The following DENND2B variants were observed in gnomAD, a reference collection of about 807,000 sequenced individuals.
The protein encoded by DENND2B is DENN domain-containing protein 2B.
Under a neutral mutation model 116.0 loss-of-function variants are expected in DENND2B, and 32 were observed. The ratio of observed to expected loss-of-function variants is 0.28; its 90% confidence interval spans 0.21 to 0.37. The LOEUF is 0.37. Among genes scored for constraint, DENND2B ranks in the 10% least tolerant of loss-of-function variants. The probability of loss-of-function intolerance (pLI) is 1.00; values close to 1 mark genes in which losing one functional copy is unlikely to be tolerated. For synonymous variants in DENND2B, 588 were observed against 583.9 expected, an observed-to-expected ratio of 1.01 and a Z score of -0.10; for missense variants, 1,276 against 1,477.7, an observed-to-expected ratio of 0.86 and a Z score of 2.24.
chr11:8,804,883 C>T (rs756651830), intron 1 of DENND2B, among the ~76,000 whole-genome samples: 3 of 152,148 alleles, frequency 2.0e-5, no homozygotes, highest in Non-Finnish European at 4.4e-5. Flanking sequence ...TTGTTCCCAG[C>T]GTAGTAACAT....
intron 1 of DENND2B, among the ~76,000 whole-genome samples, chr11:8,800,054 A>G (rs1443551160): frequency 6.6e-6 from 1 of 151,954 alleles, no homozygotes; most frequent in Non-Finnish European, 1.5e-5. Flanking sequence ...CCAGGGCTCA[A>G]GCAATCATTC....
At position 8,758,244 on chromosome 11, in the gene DENND2B, C is replaced by T. The variant is rs563661594; in HGVS notation, c.-25-7519G>A. Among the ~76,000 whole-genome samples the T allele has an allele frequency of 4.6e-5, 7 of 152,282 alleles. No individual in the cohort carries two copies. In the South Asian group the frequency reaches 1.5e-3, roughly 32 times the overall value. On this transcript the variant is annotated intron_variant, in intron 1 of 19. Transcript: ENST00000313726. ...TCCCAAGAATCTGCCTAGCTATGTGCAACTAAAAGATGGCACTCAGCCCCT... is the reference window on the plus strand; with the variant it reads ...TCCCAAGAATCTGCCTAGCTATGTGTAACTAAAAGATGGCACTCAGCCCCT...
intron 1 of DENND2B, among the ~76,000 whole-genome samples, chr11:8,783,271 C>G (rs1186582964): frequency 1.3e-5 from 2 of 152,122 alleles, no homozygotes; most frequent in African/African-American, 4.8e-5. Flanking sequence ...CCAGGCTGGT[C>G]TCAAACTCTT....
chr11:8,820,655 C>CT (rs2061727023), intron 4 of DENND2B, among the ~76,000 whole-genome samples: 1 of 152,158 alleles, frequency 6.6e-6, no homozygotes, highest in African/African-American at 2.4e-5. Context: ...CAAAACAACA[C>CT]TATCTTTACT....
At chr11:8,900,595 T>A (rs1442962549) in intron 1 of DENND2B, among the ~76,000 whole-genome samples, 3 of 148,292 alleles carry the variant, frequency 2.0e-5, no homozygotes, top group Non-Finnish European at 4.5e-5. Flanking sequence ...CAAGACCCTG[T>A]CTCAAAAAAA....
Position 8,730,299 on chromosome 11 carries a change from T to A in DENND2B, c.991A>T (p.Ser331Cys). Residue 331 changes from serine (S) to cysteine (C), a missense_variant, in exon 3 of 20, where the codon AGT becomes TGT. Ser to Cys is a moderately radical substitution (Grantham distance 112). Transcript: ENST00000313726. This position sits in a 1 kb window ranked among gnomAD's most constrained non-coding sequence, Gnocchi z 4.1. ...GSLEEPAGGA[S>C]VSAGSRAVGV... Reference sequence around the variant, plus strand: ...ACTGCCCGGCTGCCAGCGCTCACACTCGCGCCCCCTGCCGGCTCCTCCAAG... The same window carrying A: ...ACTGCCCGGCTGCCAGCGCTCACACACGCGCCCCCTGCCGGCTCCTCCAAG... The A allele has an allele frequency of 6.2e-7, 1 of 1,604,536 alleles. No homozygotes were observed. The highest frequency in any genetic ancestry group is 8.5e-7 in the Non-Finnish European group (1 of 1,177,806).
chr11:8,768,105 C>G (rs2056206787), intron 1 of DENND2B, among the ~76,000 whole-genome samples: 1 of 152,040 alleles, frequency 6.6e-6, no homozygotes, highest in Admixed American at 6.6e-5. Flanking sequence ...ACGAGAGCAA[C>G]CAGGCTGGGC....
chr11:8,712,598 G>C lies in DENND2B; in HGVS notation c.2125C>G (p.Pro709Ala), dbSNP rs367793688. Residue 709 changes from proline (P) to alanine (A), a missense_variant, in exon 9 of 20, where the codon CCA becomes GCA. Transcript: ENST00000313726. The surrounding 1 kb of genome is among the most constrained non-coding windows in gnomAD (Gnocchi z 4.4). Reference sequence around the variant, plus strand: ...TCGGGGAGGTAGGTGTTTCGCGATGGCTTCTTCTTGAGGGACACCACCACA... The same window carrying C: ...TCGGGGAGGTAGGTGTTTCGCGATGCCTTCTTCTTGAGGGACACCACCACA... ...YFVVVSLKKK[P>A]SRNTYLPEVS... 2 of 1,559,498 alleles carry C rather than the reference G, an allele frequency of 1.3e-6. No individual in the cohort carries two copies. Among genetic ancestry groups the C allele is most frequent in the African/African-American group, 2.7e-5 (2 of 73,662 alleles).
At chr11:8,709,525 G>A (rs375884917) in intron 11 of DENND2B, among the ~76,000 whole-genome samples, 6 of 152,308 alleles carry the variant, frequency 3.9e-5, no homozygotes, top group African/African-American at 1.4e-4. Flanking sequence ...CAGGCGGCCA[G>A]AGGCATGCTG....
intron 4 of DENND2B, chr11:8,718,370 G>A (rs922330714): frequency 2.0e-5 from 30 of 1,535,126 alleles, no homozygotes; most frequent in Admixed American, 3.9e-5. Context: ...TTGGAGGGTG[G>A]GCATGGAGGA....
At chr11:8,835,875 G>A (rs983182961) in intron 4 of DENND2B, among the ~76,000 whole-genome samples, 5 of 152,238 alleles carry the variant, frequency 3.3e-5, no homozygotes, top group South Asian at 4.2e-4. Flanking sequence ...CAGAGCCTAC[G>A]GGGAATGCTC....
chr11:8,701,252 G>A (rs941136620), intron 14 of DENND2B, among the ~76,000 whole-genome samples: 2 of 151,262 alleles, frequency 1.3e-5, no homozygotes, highest in African/African-American at 4.9e-5. Context: ...CAGGTGCCTA[G>A]CAGCATGGCT....
At chr11:8,718,951 G>A in intron 4 of DENND2B, 1 of 988,124 alleles carries the variant, frequency 1.0e-6, no homozygotes, top group East Asian at 1.1e-4. Flanking sequence ...GGTCCCTGGG[G>A]AACTCAGAAC....
chr11:8,854,549 T>C (rs1162540708), intron 3 of DENND2B, among the ~76,000 whole-genome samples: 2 of 152,114 alleles, frequency 1.3e-5, no homozygotes, highest in Non-Finnish European at 2.9e-5. Flanking sequence ...TTCTATTCTG[T>C]AGTTTTCTAT....
At chr11:8,722,706 G>A (rs2046396495) in intron 4 of DENND2B, among the ~76,000 whole-genome samples, 1 of 152,112 alleles carries the variant, frequency 6.6e-6, no homozygotes. Context: ...CTGCTATGGG[G>A]ACATAAAAAG....
At chr11:8,839,497 C>CTT (rs2062551621) in intron 3 of DENND2B, 5 of 152,094 alleles carry the variant, frequency 3.3e-5, no homozygotes, top group African/African-American at 9.7e-5. Context: ...GAAAGGTGGG[C>CTT]GGGGAGTTCC....
At chr11:8,700,169 T>A (rs770252511) in intron 14 of DENND2B, among the ~76,000 whole-genome samples, 2 of 151,122 alleles carry the variant, frequency 1.3e-5, no homozygotes, top group South Asian at 4.2e-4. Flanking sequence ...GCCACTAAGG[T>A]CAGGCCAGGC....
intron 5 of DENND2B, among the ~76,000 whole-genome samples, chr11:8,716,927 G>A (rs1239932118): frequency 6.6e-6 from 1 of 152,222 alleles, no homozygotes; most frequent in East Asian, 1.9e-4. Flanking sequence ...ACATGCGTGA[G>A]CCACCACTCC....
chr11:8,830,851 G>A (rs2062177597), intron 4 of DENND2B: 1 of 152,258 alleles, frequency 6.6e-6, no homozygotes, highest in Non-Finnish European at 1.5e-5. Context: ...CCGCCCGTGT[G>A]ATAGCAACAG....
Sources: gnomAD v4.1 joint callset for allele counts (sites outside exome capture counted in the v4.1 genomes callset) on GRCh38, gnomAD v4.1.1 for gene constraint, Gnocchi (gnomAD v3.1) non-coding constraint, MANE v1.5 for transcripts, NCBI Gene and HGNC (gene_info 2026-07-23, HGNC 2026-07-21) for gene names.